The following ST8SIA6 variants were observed in gnomAD, a reference collection of about 807,000 sequenced individuals.
ST8SIA6 encodes alpha-2,8-sialyltransferase 8F.
Under a neutral mutation model 33.6 loss-of-function variants are expected in ST8SIA6, and 39 were observed. The observed-to-expected ratio is 1.16, with a 90% CI of 0.90 to 1.52. The LOEUF (loss-of-function observed/expected upper bound fraction) is 1.52, where lower values mean the gene tolerates loss of function less well. ST8SIA6 is among the 40% of genes most tolerant of loss of function. ST8SIA6 has a pLI of 0.00. For missense variants in ST8SIA6, 441 were observed against 443.8 expected (o/e 0.99, Z 0.06); for synonymous variants, 172 against 167.2 (o/e 1.03, Z -0.22).
intron 2 of ST8SIA6, among the ~76,000 whole-genome samples, chr10:17,429,976 G>A (rs1005721693): frequency 3.3e-5 from 5 of 152,082 alleles, no homozygotes; most frequent in African/African-American, 1.2e-4. Flanking sequence ...GGTGAATTCT[G>A]AGATTTTAGT....
intron 3 of ST8SIA6, among the ~76,000 whole-genome samples, chr10:17,364,189 A>G (rs563383593): frequency 3.3e-5 from 5 of 152,342 alleles, no homozygotes; most frequent in Admixed American, 1.3e-4. Flanking sequence ...GACAACTGGG[A>G]AAAATGTGCA....
At chr10:17,389,895 C>A (rs1588876645) in intron 3 of ST8SIA6, among the ~76,000 whole-genome samples, 1 of 152,124 alleles carries the variant, frequency 6.6e-6, no homozygotes, top group African/African-American at 2.4e-5. Flanking sequence ...AGTCATAGCT[C>A]ACTGCAGCCT....
chr10:17,427,154 A>G (rs1244683729), intron 2 of ST8SIA6, among the ~76,000 whole-genome samples: 2 of 152,164 alleles, frequency 1.3e-5, no homozygotes, highest in African/African-American at 2.4e-5. Flanking sequence ...GGGATAAAGA[A>G]AAAACAGAGA....
At chr10:17,428,022 C>T (rs765355711) in intron 2 of ST8SIA6, among the ~76,000 whole-genome samples, 12 of 152,328 alleles carry the variant, frequency 7.9e-5, no homozygotes, top group South Asian at 4.1e-4. Flanking sequence ...ACAAGATCAT[C>T]GTGTTTATTG....
At chr10:17,325,428 G>A (rs1848100872) in intron 6 of ST8SIA6, among the ~76,000 whole-genome samples, 1 of 76,204 alleles carries the variant, frequency 1.3e-5, no homozygotes. Context: ...TACTACTACT[G>A]TAATATATAT....
At chr10:17,409,334 T>C (rs1851371113) in intron 2 of ST8SIA6, 1 of 152,652 alleles carries the variant, frequency 6.6e-6, no homozygotes, top group Non-Finnish European at 1.5e-5. Flanking sequence ...AGCATCAGGT[T>C]CAATACCTAG....
chr10:17,331,618 G>A (rs2120716), intron 4 of ST8SIA6, 66 bp from the exon 5 acceptor site: 531,633 of 1,491,554 alleles, frequency 0.36, 100,826 homozygotes, highest in African/African-American at 0.67. Flanking sequence ...TGCAGACCAC[G>A]ATGGACAATG....
At chr10:17,350,840 C>A (rs899948699) in intron 4 of ST8SIA6, among the ~76,000 whole-genome samples, 1 of 152,086 alleles carries the variant, frequency 6.6e-6, no homozygotes, top group African/African-American at 2.4e-5. Flanking sequence ...TCAGGTTAAT[C>A]CATGACACTA....
At chr10:17,395,191 A>T (rs1164723574) in intron 2 of ST8SIA6, among the ~76,000 whole-genome samples, 1 of 152,182 alleles carries the variant, frequency 6.6e-6, no homozygotes, top group Non-Finnish European at 1.5e-5. Flanking sequence ...CAAGTAAGAC[A>T]TGCCTTTCAC....
rs1022610811 is a variant in ST8SIA6 at position 17,348,625 on chromosome 10, G to C, written c.377+10889C>G. 4.6e-5 allele frequency among the ~76,000 whole-genome samples: 7 copies of C among 152,226 alleles called. No individual in the cohort carries two copies. In the East Asian group the frequency reaches 7.7e-4, roughly 17 times the overall value. On this transcript the variant is annotated intron_variant, in intron 4 of 7. Transcript: ENST00000377602. ...TCACATACCTAAAGGGGCCCTAACT[G>C]CTCCCAGAAAGCCAGCGCGCATCTC...
At chr10:17,384,522 T>C (rs953407060) in intron 3 of ST8SIA6, among the ~76,000 whole-genome samples, 1 of 152,346 alleles carries the variant, frequency 6.6e-6, no homozygotes, top group African/African-American at 2.4e-5. Flanking sequence ...TTCAAAACGA[T>C]AGTACACGTG....
intron 2 of ST8SIA6, among the ~76,000 whole-genome samples, chr10:17,449,180 A>T (rs1852826701): frequency 6.6e-6 from 1 of 152,038 alleles, no homozygotes; most frequent in Non-Finnish European, 1.5e-5. Flanking sequence ...AAGAGGAAAA[A>T]TAACATAAAT....
intron 3 of ST8SIA6, among the ~76,000 whole-genome samples, chr10:17,362,901 G>A (rs1334547714): frequency 6.6e-6 from 1 of 151,916 alleles, no homozygotes; most frequent in East Asian, 1.9e-4. Flanking sequence ...TAATAGAGAC[G>A]AGGTTTCACC....
chr10:17,330,285 A>C (rs1167770148), intron 5 of ST8SIA6, among the ~76,000 whole-genome samples: 1 of 152,212 alleles, frequency 6.6e-6, no homozygotes, highest in Non-Finnish European at 1.5e-5. Flanking sequence ...TCAGTTGAAA[A>C]CATGGCAGAC....
chr10:17,421,954 T>A (rs972681544), intron 2 of ST8SIA6, among the ~76,000 whole-genome samples: 2 of 152,192 alleles, frequency 1.3e-5, no homozygotes, highest in African/African-American at 2.4e-5. Flanking sequence ...AGAATAAAGA[T>A]TCTGCAAGTG....
At position 17,317,569 on chromosome 10, in the gene ST8SIA6, C is replaced by G. The variant is rs2131564257; in HGVS notation, c.*3309G>C. On this transcript the variant is annotated 3_prime_UTR_variant, in exon 8 of 8. Transcript: ENST00000377602. ...TTGAAGATCACAATATATTATATAT[C>G]ACATCTTAACTATACTTCTGCAGTA... 6.6e-6 allele frequency among the ~76,000 whole-genome samples: 1 copy of G among 152,216 alleles called. No homozygotes were observed. Among genetic ancestry groups the G allele is most frequent in the African/African-American group, 2.4e-5 (1 of 41,526 alleles).
At position 17,323,045 on chromosome 10, in the gene ST8SIA6, T is replaced by C; in HGVS notation, c.728+20A>G. ...ATGAAAAAGTGTTCCTGATCAGTTA[T>C]GTAACTTGCAGCTACTTACTTCAGA... On this transcript the variant is annotated intron_variant, in intron 7 of 7. Transcript: ENST00000377602. The C allele has an allele frequency of 6.3e-7, 1 of 1,597,254 alleles. No individual in the cohort carries two copies.
At chr10:17,406,092 T>C (rs61842134) in intron 2 of ST8SIA6, among the ~76,000 whole-genome samples, 6,741 of 152,230 alleles carry the variant, frequency 0.044, 209 homozygotes, top group Non-Finnish European at 0.061. Context: ...AACCAGAATG[T>C]GTCACCTCAA....
At chr10:17,438,328 C>T (rs912308089) in intron 2 of ST8SIA6, among the ~76,000 whole-genome samples, 7 of 152,072 alleles carry the variant, frequency 4.6e-5, no homozygotes, top group Non-Finnish European at 8.8e-5. Context: ...GGCATTAAAC[C>T]GAATCACCTA....
Sources: gnomAD v4.1 joint callset for allele counts (sites outside exome capture counted in the v4.1 genomes callset) on GRCh38, gnomAD v4.1.1 for gene constraint, MANE v1.5 for transcripts, NCBI Gene and HGNC (gene_info 2026-07-23, HGNC 2026-07-21) for gene names.